The following A1CF variants were observed in gnomAD, a reference collection of about 807,000 sequenced individuals.
A1CF encodes the protein APOBEC-1 stimulating protein.
A1CF carries 48 observed loss-of-function variants against 68.9 expected under a neutral mutation model. That is an observed-to-expected ratio of 0.70 (90% CI 0.55 to 0.89). The LOEUF is 0.89. Among genes scored for constraint, A1CF ranks in the 40% least tolerant of loss-of-function variants. The pLI, the probability that A1CF is intolerant of heterozygous loss-of-function variation, is 0.00. For synonymous variants in A1CF, 272 were observed against 260.4 expected (o/e 1.04, Z -0.43); for missense variants, 653 against 718.9 (o/e 0.91, Z 1.05).
chr10:50,828,229 T>C lies in A1CF; in HGVS notation c.671A>G (p.Glu224Gly). The C allele has an allele frequency of 6.2e-7, 1 of 1,608,066 alleles. No individual in the cohort carries two copies. The highest frequency in any genetic ancestry group is 8.5e-7 in the Non-Finnish European group (1 of 1,175,620). ...GATTTTCACTGAAGACATTGTATCT[T>C]CATCAACTTCTACTTCTGGCTCTGC... is the stretch of plus-strand genomic sequence containing the variant. ...DWAEPEVEVD[E>G]DTMSSVKILY... The change falls in exon 7 of 13, where the codon GAA (glutamate) becomes GGA (glycine). Residue 224 changes from glutamate (E) to glycine (G), a missense_variant. Glu to Gly is a moderately conservative substitution (Grantham distance 98). Transcript: ENST00000373997.
intron 9 of A1CF, among the ~76,000 whole-genome samples, chr10:50,814,784 GT>G (rs1239266615): frequency 1.3e-5 from 2 of 151,388 alleles, no homozygotes; most frequent in Non-Finnish European, 1.5e-5. Context: ...AGTGGAGTTT[GT>G]TTTTTTTCGA....
intron 11 of A1CF, among the ~76,000 whole-genome samples, chr10:50,810,503 A>G (rs140968864): frequency 1.2e-3 from 189 of 152,270 alleles, no homozygotes; most frequent in African/African-American, 4.1e-3. Flanking sequence ...TTTGTTTGAA[A>G]TGGAGTCTCA....
At chr10:50,879,214 C>A (rs962977428) in intron 1 of A1CF, among the ~76,000 whole-genome samples, 2 of 152,168 alleles carry the variant, frequency 1.3e-5, no homozygotes, top group Admixed American at 1.3e-4. Flanking sequence ...TGAATTAGGT[C>A]AGTTTAAATA....
intron 1 of A1CF, among the ~76,000 whole-genome samples, chr10:50,864,921 C>A (rs544216851): frequency 3.9e-5 from 6 of 152,040 alleles, no homozygotes; most frequent in African/African-American, 1.2e-4. Context: ...CCTGGCCAAT[C>A]CTCCCGGCAG....
At chr10:50,873,391 A>C (rs1322999317) in intron 1 of A1CF, among the ~76,000 whole-genome samples, 1 of 152,200 alleles carries the variant, frequency 6.6e-6, no homozygotes, top group Non-Finnish European at 1.5e-5. Context: ...CAAAGCCCCA[A>C]GTGCTTCTCA....
At chr10:50,838,399 A>T (rs1314654593) in intron 5 of A1CF, among the ~76,000 whole-genome samples, 1 of 152,244 alleles carries the variant, frequency 6.6e-6, no homozygotes, top group Non-Finnish European at 1.5e-5. Context: ...CTTAAAAAAG[A>T]AAACACCAAA....
rs772118222 is a variant in A1CF, at chr10:50,820,623, G to A, written c.796C>T (p.Arg266Ter). ...PGAVERVKKI[R>*]DYAFVHFSNR... The stretch of plus-strand genomic sequence containing the variant: ...CTGAAGTGCACAAAAGCATAGTCTC[G>A]AATTTTCTTCACCCTCTCCACAGCA... The change falls in exon 8 of 13, where the codon CGA (arginine) becomes TGA (stop). Residue 266 changes from arginine (R) to a stop codon, truncating the protein, a stop_gained. Transcript: ENST00000373997. LOFTEE classifies it high-confidence loss of function. 3.7e-6 allele frequency: 6 copies of A among 1,613,082 alleles called. No homozygotes were observed. Among genetic ancestry groups the A allele is most frequent in the African/African-American group, 2.7e-5 (2 of 74,832 alleles).
chr10:50,809,743 C>T (rs1838005946), intron 12 of A1CF, 151 bp downstream of exon 12: 9 of 1,194,798 alleles, frequency 7.5e-6, no homozygotes, highest in Non-Finnish European at 1.0e-5. Flanking sequence ...TAATGAGTCA[C>T]TCATTTGGGA....
At chr10:50,851,628 A>C (rs1347932352) in intron 3 of A1CF, among the ~76,000 whole-genome samples, 1 of 152,180 alleles carries the variant, frequency 6.6e-6, no homozygotes, top group Non-Finnish European at 1.5e-5. Context: ...AAAGCTCTGC[A>C]CTCTAGTTCT....
chr10:50,822,117 C>T (rs1838705253), intron 7 of A1CF, among the ~76,000 whole-genome samples: 1 of 151,514 alleles, frequency 6.6e-6, no homozygotes, highest in Non-Finnish European at 1.5e-5. Context: ...TGTAGAAAAC[C>T]CAAACAAACC....
intron 3 of A1CF, among the ~76,000 whole-genome samples, chr10:50,844,589 A>G (rs1474292891): frequency 6.6e-6 from 1 of 152,154 alleles, no homozygotes; most frequent in Non-Finnish European, 1.5e-5. Flanking sequence ...GTGCTATAGA[A>G]CAATAGAACT....
intron 3 of A1CF, chr10:50,850,821 A>C (rs1382369040): frequency 6.2e-7 from 1 of 1,603,530 alleles, no homozygotes; most frequent in Non-Finnish European, 8.5e-7. Flanking sequence ...TCAAGAAGTA[A>C]TTAGGTGACA....
At chr10:50,858,539 T>C (rs1490493757) in intron 3 of A1CF, among the ~76,000 whole-genome samples, 1 of 152,144 alleles carries the variant, frequency 6.6e-6, no homozygotes, top group Non-Finnish European at 1.5e-5. Context: ...TATGGGTCAT[T>C]AGAAATACAG....
chr10:50,839,456 G>T (rs1391622526), intron 5 of A1CF, among the ~76,000 whole-genome samples: 2 of 152,206 alleles, frequency 1.3e-5, no homozygotes, highest in Non-Finnish European at 2.9e-5. Flanking sequence ...TTCATATGGT[G>T]AATGCTCAGA....
chr10:50,830,391 A>G (rs1839180529), intron 6 of A1CF, among the ~76,000 whole-genome samples: 2 of 152,194 alleles, frequency 1.3e-5, no homozygotes, highest in Non-Finnish European at 2.9e-5. Flanking sequence ...ATTCCATTGT[A>G]ACTAATAAAC....
rs185742387 is a variant in A1CF, at chr10:50,837,917, A to G, written c.366-1605T>C. Among the ~76,000 whole-genome samples, 3 of 152,364 alleles carry G rather than the reference A, an allele frequency of 2.0e-5. No individual in the cohort carries two copies. The East Asian group carries it at 5.8e-4, about 29-fold the overall frequency. On this transcript the variant is annotated intron_variant, in intron 5 of 12. Coordinates refer to ENST00000373997, the MANE Select transcript of A1CF (RefSeq NM_014576.4). Reference sequence around the variant, plus strand: ...GTATATGTGAAGGCCATTTTGATTAAAAATGTTTAGAAAAATCTGGAAAGA... The same window carrying G: ...GTATATGTGAAGGCCATTTTGATTAGAAATGTTTAGAAAAATCTGGAAAGA...
At chr10:50,873,300 A>G (rs1258181862) in intron 1 of A1CF, among the ~76,000 whole-genome samples, 1 of 151,938 alleles carries the variant, frequency 6.6e-6, no homozygotes, top group Non-Finnish European at 1.5e-5. Context: ...ACTGATCTTT[A>G]GTTCTTCTGG....
intron 12 of A1CF, among the ~76,000 whole-genome samples, chr10:50,808,798 C>CA (rs1018364398): frequency 1.3e-5 from 2 of 152,036 alleles, no homozygotes; most frequent in African/African-American, 4.8e-5. Flanking sequence ...ACCCCAAAAC[C>CA]AAAAAACACT....
rs573122100 is a variant in A1CF, at chr10:50,856,775, G to C, written c.99+3067C>G. ...ACACAAAGCAGATAGAATATTTTTTGTTATTATTATTATTACAATTAACTT... is the reference window on the plus strand; with the variant it reads ...ACACAAAGCAGATAGAATATTTTTTCTTATTATTATTATTACAATTAACTT... On this transcript the variant is annotated intron_variant, in intron 3 of 12. Transcript: ENST00000373997. Among the ~76,000 whole-genome samples, 12 of 151,978 alleles carry C rather than the reference G, an allele frequency of 7.9e-5. No homozygotes were observed. The South Asian group carries it at 1.7e-3, about 21-fold the overall frequency.
Sources: allele counts gnomAD v4.1 joint callset (sites outside exome capture counted in the v4.1 genomes callset), GRCh38; gene constraint gnomAD v4.1.1; transcripts MANE v1.5; gene names NCBI Gene and HGNC (gene_info 2026-07-23, HGNC 2026-07-21).